The following MSRB2 variants were observed in gnomAD, a reference collection of about 807,000 sequenced individuals.
MSRB2 encodes the protein methionine sulfoxide reductase B2.
A neutral mutation model predicts 19.0 loss-of-function variants in MSRB2; 17 were observed. The ratio of observed to expected loss-of-function variants is 0.89; its 90% CI spans 0.61 to 1.34. The LOEUF (loss-of-function observed/expected upper bound fraction) is 1.34. MSRB2 is among the 40% of genes most tolerant of loss of function. The pLI is 0.00. For missense variants in MSRB2, 208 were observed against 237.6 expected (o/e 0.88, Z 0.82); for synonymous variants, 107 against 99.7 (o/e 1.07, Z -0.44).
At chr10:23,108,514 C>T (rs11013288) in intron 2 of MSRB2, among the ~76,000 whole-genome samples, 32,446 of 143,352 alleles carry the variant, frequency 0.23, 4,118 homozygotes, top group Non-Finnish European at 0.29. Flanking sequence ...CTGGCTCTGT[C>T]GCCCAGGCTG....
intron 1 of MSRB2, among the ~76,000 whole-genome samples, chr10:23,103,682 A>G (rs1003688606): frequency 6.6e-6 from 1 of 152,216 alleles, no homozygotes; most frequent in Non-Finnish European, 1.5e-5. Context: ...GACAAAGAAA[A>G]TCAGAGATAT....
At chr10:23,103,223 C>G (rs1839944623) in intron 1 of MSRB2, among the ~76,000 whole-genome samples, 2 of 152,088 alleles carry the variant, frequency 1.3e-5, no homozygotes, top group African/African-American at 4.8e-5. Flanking sequence ...TTTTTGTAAC[C>G]TAAAATGAAT....
At chr10:23,112,339 G>A (rs1331290685) in intron 3 of MSRB2, among the ~76,000 whole-genome samples, 1 of 152,208 alleles carries the variant, frequency 6.6e-6, no homozygotes, top group Non-Finnish European at 1.5e-5. Context: ...ATTTATGGGA[G>A]AGGCAGTAGA....
In MSRB2 at chr10:23,110,395, G is replaced by C. The variant is rs1840037539; in HGVS notation, c.296+77G>C. 8.2e-6 allele frequency: 10 copies of C among 1,216,752 alleles called. No individual in the cohort carries two copies. The South Asian group carries it at 1.1e-4, about 14-fold the overall frequency. 75.4% of individuals were successfully genotyped at this position (1,216,752 alleles called of 1,614,324 possible). On this transcript the variant is annotated intron_variant, in intron 3 of 4. Coordinates refer to ENST00000376510, the MANE Select transcript of MSRB2 (RefSeq NM_012228.4). ...ACTGCTTTGTTTCATTTGAGATCTTGGATAAATAAATACCCATAATACCCA... is the reference window on the plus strand; with the variant it reads ...ACTGCTTTGTTTCATTTGAGATCTTCGATAAATAAATACCCATAATACCCA...
intron 1 of MSRB2, among the ~76,000 whole-genome samples, chr10:23,100,826 C>T (rs1336964771): frequency 6.6e-6 from 1 of 152,106 alleles, no homozygotes; most frequent in African/African-American, 2.4e-5. Context: ...TCACTCGTTC[C>T]ACTGTGACAA....
chr10:23,099,724 G>A (rs574149506), intron 1 of MSRB2, among the ~76,000 whole-genome samples: 30 of 152,148 alleles, frequency 2.0e-4, no homozygotes, highest in African/African-American at 7.0e-4. Flanking sequence ...AGTGAGACTC[G>A]GTCTCTTAAA....
At position 23,114,452 on chromosome 10, in the gene MSRB2, G is replaced by A. The variant is rs372763933; in HGVS notation, c.296+4134G>A. 2.6e-5 allele frequency among the ~76,000 whole-genome samples: 4 copies of A among 152,016 alleles called. No individual in the cohort carries two copies. The South Asian group carries it at 8.3e-4, about 32-fold the overall frequency. On this transcript the variant is annotated intron_variant, in intron 3 of 4. Coordinates refer to ENST00000376510, the MANE Select transcript of MSRB2 (RefSeq NM_012228.4). ...CTTACATGCCAGACACTGGGCTCTA[G>A]TACTTTGCAAACAATCCTCACCCTC...
intron 4 of MSRB2, among the ~76,000 whole-genome samples, chr10:23,120,075 A>AGC (rs1840165226): frequency 6.6e-6 from 1 of 152,154 alleles, no homozygotes; most frequent in Admixed American, 6.5e-5. Context: ...AGGGATAAGG[A>AGC]GCAGGAAGTC....
At chr10:23,108,947 T>C (rs1840014795) in intron 2 of MSRB2, among the ~76,000 whole-genome samples, 1 of 152,204 alleles carries the variant, frequency 6.6e-6, no homozygotes. Context: ...GTAGGTTAAT[T>C]TGAAATTGTC....
chr10:23,096,352 C>CTGTGTGTGTGTG lies in MSRB2; in HGVS notation c.118+636_118+647dup, dbSNP rs767702970. On this transcript the variant is annotated intron_variant, in intron 1 of 4. Coordinates refer to ENST00000376510, the MANE Select transcript of MSRB2 (RefSeq NM_012228.4). ...TGTGTGTGTGTGTCTCTCTCTCTCT[C>CTGTGTGTGTGTG]TGTGTGTGTGTGTGTGTGTGTTTCT... Among the ~76,000 whole-genome samples the CTGTGTGTGTGTG allele has an allele frequency of 1.8e-3, 251 of 142,820 alleles. 3 individuals are homozygous for CTGTGTGTGTGTG. Among genetic ancestry groups the CTGTGTGTGTGTG allele is most frequent in the African/African-American group, 6.0e-3 (218 of 36,568 alleles). 93.7% of individuals were successfully genotyped at this position (142,820 alleles called of 152,430 possible).
chr10:23,102,059 G>A (rs1839931017), intron 1 of MSRB2, among the ~76,000 whole-genome samples: 2 of 151,988 alleles, frequency 1.3e-5, no homozygotes, highest in East Asian at 3.9e-4. Flanking sequence ...AATTAAACTG[G>A]GATTATGGGC....
intron 1 of MSRB2, among the ~76,000 whole-genome samples, chr10:23,096,352 C>CTCTCTG (rs144653384): frequency 4.2e-5 from 6 of 142,826 alleles, no homozygotes; most frequent in East Asian, 2.0e-4. Context: ...CTCTCTCTCT[C>CTCTCTG]TGTGTGTGTG....
At position 23,103,304 on chromosome 10, in the gene MSRB2, G is replaced by C. The variant is rs111743245; in HGVS notation, c.119-840G>C. ...ACGGGCATTCAACGTTTCATCTTCA[G>C]TGCCATAGTCAGATTACTAACCCTT... On this transcript the variant is annotated intron_variant, in intron 1 of 4. Coordinates refer to ENST00000376510, the MANE Select transcript of MSRB2 (RefSeq NM_012228.4). 7.2e-4 allele frequency among the ~76,000 whole-genome samples: 110 copies of C among 152,308 alleles called. 1 individual carries two copies. The highest frequency in any genetic ancestry group is 2.6e-3 in the African/African-American group (109 of 41,570).
rs535531007 is a variant in MSRB2 at position 23,096,604 on chromosome 10, A to G, written c.118+878A>G. Among the ~76,000 whole-genome samples, 18 of 152,326 alleles carry G rather than the reference A, an allele frequency of 1.2e-4. No individual in the cohort carries two copies. The South Asian group carries it at 3.7e-3, about 32-fold the overall frequency. On this transcript the variant is annotated intron_variant, in intron 1 of 4. Transcript: ENST00000376510. The stretch of plus-strand genomic sequence containing the variant: ...GACATTCAGAGATACCCAACTGATG[A>G]AAATGTACCAACTCATTCTGAGCTC...
intron 4 of MSRB2, 56 bp downstream of exon 4, chr10:23,119,507 A>G: frequency 6.3e-7 from 1 of 1,586,894 alleles, no homozygotes; most frequent in Non-Finnish European, 8.6e-7. Flanking sequence ...TGCCACAAAG[A>G]GCTCTCTTGT....
intron 2 of MSRB2, among the ~76,000 whole-genome samples, chr10:23,104,688 G>C (rs1024285222): frequency 1.3e-5 from 2 of 152,066 alleles, no homozygotes; most frequent in African/African-American, 2.4e-5. Flanking sequence ...TGGCTAATAA[G>C]GTCCTAACGG....
intron 2 of MSRB2, among the ~76,000 whole-genome samples, chr10:23,105,212 CTGTGTGTGTGTGTGTG>C (rs36039793): frequency 4.8e-5 from 7 of 147,074 alleles, no homozygotes; most frequent in Non-Finnish European, 1.1e-4. Context: ...CTCTGTGTGT[CTGTGTGTGTGTGTGTG>C]TGTGTGTGTG....
Position 23,119,278 on chromosome 10 carries a change from T to C in MSRB2, c.297-26T>C, listed in dbSNP as rs1225419061. 1.9e-6 allele frequency: 3 copies of C among 1,611,872 alleles called. No individual in the cohort carries two copies. In the African/African-American group the frequency reaches 4.0e-5, roughly 22 times the overall value. On this transcript the variant is annotated intron_variant, in intron 3 of 4. Coordinates refer to ENST00000376510, the MANE Select transcript of MSRB2 (RefSeq NM_012228.4). ...TGTTAATGACAGTGTCATTAGCAGC[T>C]GTAGTATCGTTTATGTCTTCCACAG...
Position 23,121,203 on chromosome 10 carries a change from T to C in MSRB2, c.*341T>C. 4.8e-6 allele frequency: 1 copy of C among 207,542 alleles called. No homozygotes were observed. The highest frequency in any genetic ancestry group is 1.2e-4 in the East Asian group (1 of 8,588). 12.9% of individuals were successfully genotyped at this position (207,542 alleles called of 1,614,324 possible). A position where few individuals can be genotyped will look rare whatever the true frequency, so the allele number is the denominator to read the frequency against. On this transcript the variant is annotated 3_prime_UTR_variant, in exon 5 of 5. Transcript: ENST00000376510. ...TTAATTGACTCACAGTTCTGCAGGGTGTACAGAAAGCATGGTGCCAGCATT... is the reference window on the plus strand; with the variant it reads ...TTAATTGACTCACAGTTCTGCAGGGCGTACAGAAAGCATGGTGCCAGCATT...
Sources: gnomAD v4.1 joint callset for allele counts (sites outside exome capture counted in the v4.1 genomes callset) on GRCh38, gnomAD v4.1.1 for gene constraint, MANE v1.5 for transcripts, NCBI Gene and HGNC (gene_info 2026-07-23, HGNC 2026-07-21) for gene names.